The following EIF3B variants were observed in gnomAD, a reference collection of about 807,000 sequenced individuals.
EIF3B encodes the protein eukaryotic translation initiation factor 3 subunit B, also known as eukaryotic translation initiation factor 3 subunit 9.
A neutral mutation model predicts 104.6 loss-of-function variants in EIF3B; 10 were observed. That is an observed-to-expected ratio of 0.10 (90% confidence interval 0.06 to 0.16). The LOEUF is 0.16. EIF3B is among the 10% of genes least tolerant of loss of function. The pLI is 1.00. For missense variants in EIF3B, 1,014 were observed against 1,087.9 expected (o/e 0.93, Z 0.96); for synonymous variants, 542 against 417.2 (o/e 1.30, Z -3.65).
chr7:2,378,499 C>T (rs112292634), intron 15 of EIF3B, 190 bp from the exon 16 acceptor site: 2 of 230,720 alleles, frequency 8.7e-6, no homozygotes, highest in African/African-American at 2.4e-5. Flanking sequence ...GGAGCAGGCG[C>T]GAGTGCTGCT....
At position 2,355,367 on chromosome 7, in the gene EIF3B, A is replaced by C. The variant is rs775335656; in HGVS notation, c.446A>C (p.Asp149Ala). ...CGGGCGCTGGAGAACGGCGACGCGGACGAGCCCTCCTTCAGCGACCCCGAG... is the reference window on the plus strand; with the variant it reads ...CGGGCGCTGGAGAACGGCGACGCGGCCGAGCCCTCCTTCAGCGACCCCGAG... ...EPRALENGDA[D>A]EPSFSDPEDF... Residue 149 changes from aspartate (D) to alanine (A), a missense_variant, in exon 1 of 19, where the codon GAC (aspartate) becomes GCC (alanine). This residue lies in a region of EIF3B where 488 missense variants were observed against 404.3 expected (regional missense o/e 1.21). Coordinates refer to ENST00000360876, the MANE Select transcript of EIF3B (RefSeq NM_001037283.2). 1.3e-6 allele frequency: 2 copies of C among 1,536,612 alleles called. No individual in the cohort carries two copies. The highest frequency in any genetic ancestry group is 2.8e-5 in the African/African-American group (2 of 72,722).
At chr7:2,371,147 A>G (rs1780314647) in intron 10 of EIF3B, among the ~76,000 whole-genome samples, 1 of 152,256 alleles carries the variant, frequency 6.6e-6, no homozygotes, top group Non-Finnish European at 1.5e-5. Context: ...AGCTCCTGGC[A>G]TCACGAATGT....
At position 2,378,773 on chromosome 7, in the gene EIF3B, C is replaced by G. The variant is rs1562494408; in HGVS notation, c.2232+7C>G. ...TCAGTCCAAAGCCTCAAAGGTGAGC[C>G]TCATTCCCAAAATGAGGGCTGTGCT... On this transcript the variant is annotated splice_region_variant and intron_variant, in intron 16 of 18. Transcript: ENST00000360876. 6.2e-7 allele frequency: 1 copy of G among 1,612,636 alleles called. No homozygotes were observed. Among genetic ancestry groups the G allele is most frequent in the Admixed American group, 1.7e-5 (1 of 60,010 alleles).
intron 15 of EIF3B, among the ~76,000 whole-genome samples, 162 bp downstream of exon 15, chr7:2,377,237 G>A (rs1245377561): frequency 6.6e-6 from 1 of 152,258 alleles, no homozygotes; most frequent in Non-Finnish European, 1.5e-5. Flanking sequence ...GAACTGAATG[G>A]AATAGAACAG....
intron 4 of EIF3B, 131 bp downstream of exon 4, chr7:2,363,258 G>A (rs1779835487): frequency 5.6e-6 from 5 of 900,152 alleles, no homozygotes; most frequent in Non-Finnish European, 7.2e-6. Context: ...TTCAAGACCA[G>A]CCTGGGCAAC....
chr7:2,366,825 A>C, intron 8 of EIF3B, 174 bp from the exon 9 acceptor site: 1 of 821,802 alleles, frequency 1.2e-6, no homozygotes, highest in Non-Finnish European at 2.0e-6. Flanking sequence ...AGTGGGCTTC[A>C]GAACTGCAGT....
intron 10 of EIF3B, among the ~76,000 whole-genome samples, chr7:2,371,064 AAAAT>A (rs1009072354): frequency 3.9e-5 from 6 of 152,312 alleles, no homozygotes; most frequent in South Asian, 2.1e-4. Flanking sequence ...CTCCGTCTCA[AAAAT>A]AAATAAATAA....
At chr7:2,361,952 CTTAT>C (rs60402825) in intron 2 of EIF3B, among the ~76,000 whole-genome samples, 28 of 148,748 alleles carry the variant, frequency 1.9e-4, no homozygotes, top group South Asian at 1.3e-3. Flanking sequence ...TGCTTGCTTG[CTTAT>C]TTATTTATTT....
chr7:2,365,454 C>T (rs540612365), intron 6 of EIF3B, among the ~76,000 whole-genome samples: 8 of 152,268 alleles, frequency 5.3e-5, no homozygotes, highest in African/African-American at 1.9e-4. Flanking sequence ...GCTCTGTTTT[C>T]GCCCTCATGG....
At chr7:2,373,011 C>T (rs1583174769) in intron 12 of EIF3B, 4 of 385,620 alleles carry the variant, frequency 1.0e-5, no homozygotes, top group East Asian at 3.9e-5. Context: ...TGAGCCCTCA[C>T]GTTTAAGCGA....
At chr7:2,367,824 A>ATTTTTTTTTTTTTTTTTT (rs1562484073) in intron 9 of EIF3B, among the ~76,000 whole-genome samples, 2 of 101,724 alleles carry the variant, frequency 2.0e-5, no homozygotes, top group African/African-American at 4.1e-5. Context: ...CTTTTTTTAA[A>ATTTTTTTTTTTTTTTTTT]ATTTTTTTTT....
rs766496200 is a variant in EIF3B at position 2,371,762 on chromosome 7, C to CT, written c.1615-7dup. ...CTGTCCAGAATGTCACCCCTTCCCC[C>CT]TTTTTTTTAAACAGGGTGTTGTCAC... On this transcript the variant is annotated splice_polypyrimidine_tract_variant and intron_variant, in intron 10 of 18. Coordinates refer to ENST00000360876, the MANE Select transcript of EIF3B (RefSeq NM_001037283.2). The CT allele has an allele frequency of 4.5e-5, 71 of 1,593,458 alleles. No homozygotes were observed. Among genetic ancestry groups the CT allele is most frequent in the Non-Finnish European group, 5.6e-5 (65 of 1,161,554 alleles).
At position 2,367,595 on chromosome 7, in the gene EIF3B, G is replaced by A. The variant is rs559661701; in HGVS notation, c.1403+550G>A. Among the ~76,000 whole-genome samples, 24 of 150,594 alleles carry A rather than the reference G, an allele frequency of 1.6e-4. No homozygotes were observed. In the East Asian group the frequency reaches 4.2e-3, roughly 26 times the overall value. ...AGTGATTCTTCTGCCTCAACCTCCC[G>A]AGTAGCTGGGACTACAGGCATGTGC... On this transcript the variant is annotated intron_variant, in intron 9 of 18. Transcript: ENST00000360876.
intron 6 of EIF3B, 143 bp from the exon 7 acceptor site, chr7:2,366,174 C>T (rs4283933): frequency 2.5e-6 from 2 of 792,246 alleles, no homozygotes; most frequent in African/African-American, 3.5e-5. Context: ...CCCGCTTCCG[C>T]TTGGGTCTCT....
In EIF3B at chr7:2,363,666, G is replaced by A; in HGVS notation, c.905G>A (p.Cys302Tyr). The A allele has an allele frequency of 1.2e-6, 2 of 1,613,016 alleles. No individual in the cohort carries two copies. The highest frequency in any genetic ancestry group is 1.7e-6 in the Non-Finnish European group (2 of 1,179,676). ...CGTTACTGGCTTGAAGAGGCAGAAT[G>A]CAGAGATCAGTACAGTGTGATTTTT... ...NLRYWLEEAE[C>Y]RDQYSVIFES... The change falls in exon 5 of 19, where the codon TGC (cysteine) becomes TAC (tyrosine). Residue 302 changes from cysteine to tyrosine, a missense_variant. By Grantham distance (194) the Cys-to-Tyr change is radical. Coordinates refer to ENST00000360876, the MANE Select transcript of EIF3B (RefSeq NM_001037283.2).
intron 1 of EIF3B, among the ~76,000 whole-genome samples, chr7:2,356,835 G>A (rs999352743): frequency 6.6e-6 from 1 of 151,876 alleles, no homozygotes; most frequent in African/African-American, 2.4e-5. Flanking sequence ...CAGTTACTGT[G>A]ACCATTACTA....
chr7:2,379,702 T>C (rs910620146), intron 18 of EIF3B, 191 bp downstream of exon 18: 9 of 570,720 alleles, frequency 1.6e-5, no homozygotes, highest in Non-Finnish European at 2.2e-5. Flanking sequence ...CTGCGCCCTC[T>C]GACCACATTG....
At chr7:2,368,674 G>A (rs1780160655) in intron 9 of EIF3B, among the ~76,000 whole-genome samples, 1 of 152,230 alleles carries the variant, frequency 6.6e-6, no homozygotes, top group African/African-American at 2.4e-5. Context: ...AGGAAAAGAG[G>A]GGACTCTGCT....
intron 3 of EIF3B, 132 bp from the exon 4 acceptor site, chr7:2,362,938 C>A: frequency 7.0e-7 from 1 of 1,428,064 alleles, no homozygotes. Flanking sequence ...CCTACAGCAC[C>A]CCTCCCTGTT....
Sources: gnomAD v4.1 joint callset for allele counts (sites outside exome capture counted in the v4.1 genomes callset) on GRCh38, gnomAD v4.1.1 for gene constraint, gnomAD v4.1.1 regional missense constraint, MANE v1.5 for transcripts, NCBI Gene and HGNC (gene_info 2026-07-23, HGNC 2026-07-21) for gene names.